Variants in CLDN16 observed in about 807,000 individuals in gnomAD.
CLDN16 encodes the protein claudin 16.
A neutral mutation model predicts 24.6 loss-of-function variants in CLDN16; 13 were observed. The observed-to-expected ratio is 0.53, with a 90% CI of 0.34 to 0.84. CLDN16 has a LOEUF of 0.84. Ranked by LOEUF, CLDN16 falls within the 40% of genes least tolerant of loss-of-function variation. The pLI, the probability that CLDN16 is intolerant of heterozygous loss-of-function variation, is 0.01. For missense variants in CLDN16, 298 were observed against 292.7 expected (o/e 1.02, Z -0.13); for synonymous variants, 116 against 106.7 (o/e 1.09, Z -0.54).
At chr3:190,292,407 A>G in the CLDN16 span, among the ~76,000 whole-genome samples, 1 of 152,186 alleles carries the variant, frequency 6.6e-6, no homozygotes, top group Non-Finnish European at 1.5e-5. Context: ...ATACAGCAGT[A>G]TGGCCCTGAG....
chr3:190,336,963 C>T (rs1222210100), intron 1 of CLDN16, among the ~76,000 whole-genome samples: 1 of 152,222 alleles, frequency 6.6e-6, no homozygotes, highest in Admixed American at 6.5e-5. Flanking sequence ...ACTTCTTTGT[C>T]ACCAGCACAG....
chr3:190,400,700 T>C (rs1232512189), intron 1 of CLDN16, among the ~76,000 whole-genome samples: 1 of 152,242 alleles, frequency 6.6e-6, no homozygotes, highest in Non-Finnish European at 1.5e-5. Context: ...ATATACCATA[T>C]TGTATTTACC....
the CLDN16 span, among the ~76,000 whole-genome samples, chr3:190,314,679 C>T: frequency 6.6e-6 from 1 of 152,016 alleles, no homozygotes; most frequent in Non-Finnish European, 1.5e-5. Context: ...TCTGGGATTA[C>T]AGACGTGAGC....
intron 2 of CLDN16, among the ~76,000 whole-genome samples, chr3:190,403,138 G>A (rs1719005059): frequency 6.6e-6 from 1 of 152,090 alleles, no homozygotes; most frequent in South Asian, 2.1e-4. Context: ...AACCAGCCTG[G>A]CCAACATGGT....
At chr3:190,356,834 G>A (rs1162184029) in intron 1 of CLDN16, among the ~76,000 whole-genome samples, 1 of 151,762 alleles carries the variant, frequency 6.6e-6, no homozygotes, top group African/African-American at 2.4e-5. Context: ...TAATATTTAG[G>A]TTGAAAATAT....
In CLDN16 at chr3:190,323,522, T is replaced by C. The variant is rs375152895; in HGVS notation, n.121+861T>C. Among the ~76,000 whole-genome samples the C allele has an allele frequency of 5.3e-5, 8 of 152,354 alleles. No homozygotes were observed. In the South Asian group the frequency reaches 1.4e-3, roughly 28 times the overall value. ...GAAGTGCTGTTGTGGTTAGGAATCA[T>C]TGAAATGTTTTTCCAACTGCTTTTT... On this transcript the variant is annotated intron_variant and non_coding_transcript_variant, in intron 1 of 4. Coordinates refer to the CLDN16 transcript ENST00000468220.
the CLDN16 span, among the ~76,000 whole-genome samples, chr3:190,296,710 C>T: frequency 1.3e-4 from 19 of 151,946 alleles, no homozygotes; most frequent in Non-Finnish European, 2.1e-4. Context: ...CCACCACGCC[C>T]GGCTAATTTT....
At chr3:190,308,429 C>A in the CLDN16 span, 6 of 1,613,468 alleles carry the variant, frequency 3.7e-6, no homozygotes, top group Non-Finnish European at 3.4e-6. Context: ...AGAGCCTGAC[C>A]AAATTCGTAC....
chr3:190,324,220 C>T (rs548400488), intron 1 of CLDN16, among the ~76,000 whole-genome samples: 3 of 152,296 alleles, frequency 2.0e-5, no homozygotes, highest in South Asian at 2.1e-4. Flanking sequence ...CAGTGGCTCA[C>T]GCCTGTAATC....
At chr3:190,369,321 G>A (rs528619647) in intron 1 of CLDN16, among the ~76,000 whole-genome samples, 3 of 151,950 alleles carry the variant, frequency 2.0e-5, no homozygotes, top group Admixed American at 1.3e-4. Flanking sequence ...TACCATTAAG[G>A]TTCCAGTTCT....
At chr3:190,333,570 CTATCTATCTAT>C (rs1717230822) in intron 1 of CLDN16, among the ~76,000 whole-genome samples, 1 of 122,696 alleles carries the variant, frequency 8.2e-6, no homozygotes, top group East Asian at 3.0e-4. Context: ...ATCTATCTAT[CTATCTATCTAT>C]CAATCATCTT....
At position 190,388,307 on chromosome 3, in the gene CLDN16, A is replaced by G. The variant is rs752230428; in HGVS notation, c.-23A>G. ...AGGGCTGGTGTCTGCCCATGTTGCCATCCTGATGGGCTGCTTGCCACAATG... is the reference window on the plus strand; with the variant it reads ...AGGGCTGGTGTCTGCCCATGTTGCCGTCCTGATGGGCTGCTTGCCACAATG... On this transcript the variant is annotated 5_prime_UTR_variant, in exon 1 of 5. Transcript: ENST00000264734. 1.7e-5 allele frequency: 27 copies of G among 1,614,038 alleles called. 1 individual carries two copies. Among genetic ancestry groups the G allele is most frequent in the Middle Eastern group, 1.6e-4 (1 of 6,082 alleles).
chr3:190,357,447 C>T (rs1186233944), intron 1 of CLDN16, among the ~76,000 whole-genome samples: 2 of 151,864 alleles, frequency 1.3e-5, no homozygotes, highest in Non-Finnish European at 2.9e-5. Flanking sequence ...TTTAACTCTT[C>T]TTTCACCTTT....
intron 1 of CLDN16, among the ~76,000 whole-genome samples, chr3:190,395,835 A>G (rs1287212633): frequency 6.6e-6 from 1 of 152,098 alleles, no homozygotes; most frequent in Non-Finnish European, 1.5e-5. Context: ...ACCAACAATA[A>G]ACATTTACAA....
At chr3:190,313,097 A>G in the CLDN16 span, 1 of 1,586,228 alleles carries the variant, frequency 6.3e-7, no homozygotes, top group Non-Finnish European at 8.7e-7. Context: ...GAAAAATGGA[A>G]GAAGACCAAG....
chr3:190,409,287 TA>T (rs1428537520), intron 4 of CLDN16, among the ~76,000 whole-genome samples: 1 of 152,074 alleles, frequency 6.6e-6, no homozygotes, highest in Non-Finnish European at 1.5e-5. Flanking sequence ...TGTATGTATA[TA>T]TGCACACATG....
chr3:190,299,559 A>T, the CLDN16 span, among the ~76,000 whole-genome samples: 3 of 147,990 alleles, frequency 2.0e-5, no homozygotes, highest in Non-Finnish European at 4.5e-5. Flanking sequence ...AATTTTTTTT[A>T]TATTTAAGTC....
Position 190,410,456 on chromosome 3 carries a change from T to G in CLDN16, c.*420T>G, listed in dbSNP as rs1719248349. The G allele has an allele frequency of 6.0e-6, 1 of 165,760 alleles. No individual in the cohort carries two copies. Among genetic ancestry groups the G allele is most frequent in the Non-Finnish European group, 1.3e-5 (1 of 76,192 alleles). 10.3% of individuals were successfully genotyped at this position (165,760 alleles called of 1,614,324 possible). On this transcript the variant is annotated 3_prime_UTR_variant, in exon 5 of 5. Coordinates refer to ENST00000264734, the MANE Select transcript of CLDN16 (RefSeq NM_006580.4). ...TCTCCCTGGCTTTTGGTTCACTTTTTGTACTTTTAACAAGTGGGTGAATTA... is the reference window on the plus strand; with the variant it reads ...TCTCCCTGGCTTTTGGTTCACTTTTGGTACTTTTAACAAGTGGGTGAATTA...
chr3:190,329,402 A>G (rs1278019293), intron 1 of CLDN16, among the ~76,000 whole-genome samples: 2 of 152,218 alleles, frequency 1.3e-5, no homozygotes, highest in South Asian at 2.1e-4. Context: ...AAAGGAGATC[A>G]AACATTGGAT....
Sources: allele counts gnomAD v4.1 joint callset (sites outside exome capture counted in the v4.1 genomes callset), GRCh38; gene constraint gnomAD v4.1.1; transcripts MANE v1.5; gene names NCBI Gene and HGNC (gene_info 2026-07-23, HGNC 2026-07-21).